The following ANGPT4 variants were observed in gnomAD, a reference collection of about 807,000 sequenced individuals.
ANGPT4 encodes the protein angiopoietin-4.
Under a neutral mutation model 53.0 loss-of-function variants are expected in ANGPT4, and 50 were observed. The observed-to-expected ratio is 0.94, with a 90% CI of 0.75 to 1.20. The LOEUF (loss-of-function observed/expected upper bound fraction) is 1.20. ANGPT4 is among the 50% of genes most tolerant of loss of function. The pLI is 0.00. For synonymous variants in ANGPT4, 251 were observed against 259.7 expected (o/e 0.97, Z 0.32); for missense variants, 648 against 637.1 (o/e 1.02, Z -0.18).
intron 1 of ANGPT4, among the ~76,000 whole-genome samples, chr20:893,839 G>GT (rs774248043): frequency 2.6e-5 from 4 of 152,172 alleles, no homozygotes; most frequent in Non-Finnish European, 4.4e-5. Context: ...CAACCCACTA[G>GT]TAAGTACTGC....
rs1982824901 is a variant in ANGPT4, at chr20:914,166, C to T, written c.309+1740G>A. 6.6e-6 allele frequency among the ~76,000 whole-genome samples: 1 copy of T among 152,076 alleles called. No homozygotes were observed. The highest frequency in any genetic ancestry group is 1.5e-5 in the Non-Finnish European group (1 of 68,020). ...TCGGCACTATTCTAGGCCCTGGGAACCCAGAAGTGAGCAAAAGAGACATGG... is the reference window on the plus strand; with the variant it reads ...TCGGCACTATTCTAGGCCCTGGGAATCCAGAAGTGAGCAAAAGAGACATGG... On this transcript the variant is annotated intron_variant, in intron 1 of 8. Transcript: ENST00000381922. This position sits in a 1 kb window ranked among gnomAD's most constrained non-coding sequence, Gnocchi z 5.0.
intron 1 of ANGPT4, among the ~76,000 whole-genome samples, chr20:896,838 A>G (rs1349349230): frequency 6.6e-6 from 1 of 152,160 alleles, no homozygotes; most frequent in Non-Finnish European, 1.5e-5. Flanking sequence ...TAATGAACGC[A>G]TGATAAATTC....
Position 877,728 on chromosome 20 carries a change from C to G in ANGPT4, c.1220+433G>C, listed in dbSNP as rs957206973. On this transcript the variant is annotated intron_variant, in intron 7 of 8. Coordinates refer to ENST00000381922, the MANE Select transcript of ANGPT4 (RefSeq NM_015985.4). ...GAAGCAGAAGCTCAGAGAAGCCAGA[C>G]TGACTTGTCCAAGTTCCCAAAGCAA... is the stretch of plus-strand genomic sequence containing the variant. 1.7e-4 allele frequency among the ~76,000 whole-genome samples: 26 copies of G among 152,204 alleles called. 1 individual carries two copies. The highest frequency in any genetic ancestry group is 5.5e-4 in the African/African-American group (23 of 41,448).
chr20:885,934 C>A (rs1174956807), intron 3 of ANGPT4, among the ~76,000 whole-genome samples: 3 of 152,070 alleles, frequency 2.0e-5, no homozygotes, highest in South Asian at 2.1e-4. Context: ...CTGGAAAGAC[C>A]GCAGTGGTGC....
At chr20:885,410 T>C (rs535869468) in intron 3 of ANGPT4, 85 bp from the exon 4 acceptor site, 4 of 1,431,652 alleles carry the variant, frequency 2.8e-6, no homozygotes, top group East Asian at 2.5e-5. Context: ...CTGGAGTCCC[T>C]GCAGCCCGAC....
Position 890,241 on chromosome 20 carries a change from A to G in ANGPT4, c.437T>C (p.Ile146Thr), listed in dbSNP as rs1444627065. 6.2e-7 allele frequency: 1 copy of G among 1,613,856 alleles called. No individual in the cohort carries two copies. The change falls in exon 2 of 9, where the codon ATC becomes ACC. Residue 146 changes from isoleucine (I) to threonine (T), a missense_variant. By Grantham distance (89) the Ile-to-Thr change is moderately conservative (BLOSUM62 -1). Coordinates refer to ENST00000381922, the MANE Select transcript of ANGPT4 (RefSeq NM_015985.4). ...AGCCTCCATGTCGGTCAGCTTGCGG[A>G]TCTGGGCAGTGGTCTGGTTCAGGAG... ...TSLLNQTTAQ[I>T]RKLTDMEAQL...
chr20:888,232 G>A, intron 3 of ANGPT4, 86 bp downstream of exon 3: 2 of 1,514,948 alleles, frequency 1.3e-6, no homozygotes, highest in Non-Finnish European at 1.8e-6. Context: ...CCCAGTCCTA[G>A]CCCTGGCTCT....
intron 4 of ANGPT4, among the ~76,000 whole-genome samples, chr20:884,319 C>G (rs945890231): frequency 2.0e-5 from 3 of 152,224 alleles, no homozygotes; most frequent in Non-Finnish European, 2.9e-5. Context: ...CCATGTATTT[C>G]TTTCTCCTTC....
At chr20:904,705 C>A (rs541753638) in intron 1 of ANGPT4, among the ~76,000 whole-genome samples, 1 of 152,328 alleles carries the variant, frequency 6.6e-6, no homozygotes, top group South Asian at 2.1e-4. Context: ...TGGCTCACTG[C>A]AGCCTTGAAT....
intron 3 of ANGPT4, among the ~76,000 whole-genome samples, chr20:887,787 T>A (rs1981671745): frequency 6.6e-6 from 1 of 152,110 alleles, no homozygotes; most frequent in African/African-American, 2.4e-5. Flanking sequence ...TTTATTTATT[T>A]GCAAAGAAGT....
chr20:883,688 C>T (rs1037317274), intron 4 of ANGPT4, among the ~76,000 whole-genome samples: 1 of 152,216 alleles, frequency 6.6e-6, no homozygotes, highest in African/African-American at 2.4e-5. Flanking sequence ...AACACAACCT[C>T]CTACTCAGAC....
intron 1 of ANGPT4, among the ~76,000 whole-genome samples, chr20:892,316 C>T (rs1981878869): frequency 6.6e-6 from 1 of 152,080 alleles, no homozygotes. Flanking sequence ...AGCATAGAGG[C>T]CAGGTGCGGT....
intron 2 of ANGPT4, 146 bp from the exon 3 acceptor site, chr20:888,585 C>T (rs1007419728): frequency 3.7e-6 from 5 of 1,348,320 alleles, no homozygotes; most frequent in Non-Finnish European, 4.9e-6. Flanking sequence ...TACTCACTCA[C>T]AGGCCCTGAC....
intron 1 of ANGPT4, among the ~76,000 whole-genome samples, chr20:907,376 A>T (rs1982514333): frequency 6.6e-6 from 1 of 152,260 alleles, no homozygotes; most frequent in East Asian, 1.9e-4. Flanking sequence ...TGCCTCTGCC[A>T]TCTGGACTTG....
intron 1 of ANGPT4, among the ~76,000 whole-genome samples, chr20:912,716 C>T (rs1026329793): frequency 2.0e-5 from 3 of 151,906 alleles, no homozygotes; most frequent in African/African-American, 4.8e-5. Flanking sequence ...GAGGTGAGGC[C>T]GGGGCTCTCC....
intron 1 of ANGPT4, among the ~76,000 whole-genome samples, chr20:893,700 C>T (rs1251613756): frequency 6.6e-6 from 1 of 152,170 alleles, no homozygotes; most frequent in African/African-American, 2.4e-5. Context: ...CAGCTCCCAT[C>T]GCCCCTGTCC....
intron 6 of ANGPT4, among the ~76,000 whole-genome samples, chr20:878,850 G>T (rs1239047364): frequency 6.6e-6 from 1 of 152,232 alleles, no homozygotes. Flanking sequence ...CGCAGCCACT[G>T]CAAGATTTCA....
At chr20:912,207 G>C (rs954185691) in intron 1 of ANGPT4, among the ~76,000 whole-genome samples, 1 of 152,186 alleles carries the variant, frequency 6.6e-6, no homozygotes, top group African/African-American at 2.4e-5. Flanking sequence ...GGGGCAACTG[G>C]GGGAATGGCA....
chr20:899,578 T>C (rs943309113), intron 1 of ANGPT4, among the ~76,000 whole-genome samples: 1 of 152,140 alleles, frequency 6.6e-6, no homozygotes, highest in African/African-American at 2.4e-5. Flanking sequence ...TTATGCACTC[T>C]TTTTTAATTA....
Sources: allele counts gnomAD v4.1 joint callset (sites outside exome capture counted in the v4.1 genomes callset), GRCh38; gene constraint gnomAD v4.1.1; non-coding constraint Gnocchi (gnomAD v3.1); transcripts MANE v1.5; gene names NCBI Gene and HGNC (gene_info 2026-07-23, HGNC 2026-07-21).